The following MAD1L1 variants were observed in gnomAD, a reference collection of about 807,000 sequenced individuals.
MAD1L1 encodes the protein mitotic arrest deficient 1 like 1, also known as mitotic spindle assembly checkpoint protein MAD1.
A neutral mutation model predicts 96.9 loss-of-function variants in MAD1L1; 95 were observed. The ratio of observed to expected loss-of-function variants is 0.98; its 90% CI spans 0.83 to 1.16. The LOEUF is 1.16. Ranked by LOEUF, MAD1L1 falls within the 50% of genes most tolerant of loss-of-function variation. MAD1L1 has a pLI of 0.00. For synonymous variants in MAD1L1, 473 were observed against 396.6 expected (o/e 1.19, Z -2.29); for missense variants, 1,007 against 954.4 (o/e 1.06, Z -0.73).
chr7:1,869,095 G>A lies in MAD1L1; in HGVS notation c.1998+29105C>T, dbSNP rs144207349. Among the ~76,000 whole-genome samples, 266 of 152,248 alleles carry A rather than the reference G, an allele frequency of 1.7e-3. 2 individuals carry two copies. Among genetic ancestry groups the A allele is most frequent in the African/African-American group, 5.9e-3 (246 of 41,542 alleles). On this transcript the variant is annotated intron_variant, in intron 18 of 18. Transcript: ENST00000265854. ...AGGCCACACGTGGACGGTGAGGCCC[G>A]GGACGGGAACATCCGAGCAACGATC...
At chr7:1,838,417 G>A (rs867968627) in intron 18 of MAD1L1, among the ~76,000 whole-genome samples, 3 of 152,314 alleles carry the variant, frequency 2.0e-5, no homozygotes, top group South Asian at 2.1e-4. Context: ...AGCCCCAAAC[G>A]GAAGCAATTC....
At chr7:2,203,194 A>C (rs979590825) in intron 10 of MAD1L1, among the ~76,000 whole-genome samples, 1 of 152,222 alleles carries the variant, frequency 6.6e-6, no homozygotes, top group Non-Finnish European at 1.5e-5. Context: ...CCACGAGCAA[A>C]TGATTTCCTC....
chr7:1,988,126 C>T (rs894384429), intron 14 of MAD1L1, among the ~76,000 whole-genome samples: 5 of 152,224 alleles, frequency 3.3e-5, no homozygotes, highest in Non-Finnish European at 7.4e-5. Flanking sequence ...GTAGATGGAG[C>T]AGCGTGCGGA....
At chr7:2,128,770 C>G (rs1298607475) in intron 11 of MAD1L1, among the ~76,000 whole-genome samples, 1 of 152,194 alleles carries the variant, frequency 6.6e-6, no homozygotes, top group Non-Finnish European at 1.5e-5. Flanking sequence ...CTGCTGGGAC[C>G]TGCCCTCAGA....
intron 18 of MAD1L1, among the ~76,000 whole-genome samples, chr7:1,875,536 G>C (rs918887807): frequency 5.3e-5 from 8 of 152,202 alleles, no homozygotes; most frequent in Non-Finnish European, 7.3e-5. Flanking sequence ...TGCACAAGCA[G>C]AGGAGAAAGG....
chr7:2,231,235 T>G (rs1794175780), intron 1 of MAD1L1, among the ~76,000 whole-genome samples: 1 of 151,650 alleles, frequency 6.6e-6, no homozygotes, highest in Non-Finnish European at 1.5e-5. Flanking sequence ...GAGGCAGAGG[T>G]TGCAGTGACC....
intron 15 of MAD1L1, among the ~76,000 whole-genome samples, chr7:1,970,461 G>C (rs1780355072): frequency 1.3e-5 from 2 of 149,678 alleles, no homozygotes; most frequent in African/African-American, 2.5e-5. Context: ...AACCTCCCAA[G>C]TAGCTGGAAT....
intron 18 of MAD1L1, among the ~76,000 whole-genome samples, chr7:1,834,123 T>C (rs1035611307): frequency 6.6e-6 from 1 of 152,050 alleles, no homozygotes; most frequent in Non-Finnish European, 1.5e-5. Flanking sequence ...GTTAAGTCAT[T>C]TGAACTGAAT....
chr7:1,927,627 C>T (rs372067108), intron 17 of MAD1L1, among the ~76,000 whole-genome samples: 2 of 152,228 alleles, frequency 1.3e-5, no homozygotes, highest in East Asian at 3.9e-4. Context: ...AATTGGACAT[C>T]CATATAAAAA....
In MAD1L1 at chr7:2,224,175, G is replaced by A. The variant is rs74430809; in HGVS notation, c.291+1235C>T. Among the ~76,000 whole-genome samples, 1,363 of 152,242 alleles carry A rather than the reference G, an allele frequency of 9.0e-3. 20 individuals carry two copies. The highest frequency in any genetic ancestry group is 0.031 in the African/African-American group (1,275 of 41,536). On this transcript the variant is annotated intron_variant, in intron 4 of 18. Transcript: ENST00000265854. ...GCCCTCAGGGACTCTCGGCCTAGAG[G>A]AACTCCAACAGCTGCACACTGTCCC... is the stretch of plus-strand genomic sequence containing the variant.
rs114755700 is a variant in MAD1L1, at chr7:2,004,500, G to A, written c.1360-2379C>T. Among the ~76,000 whole-genome samples the A allele has an allele frequency of 5.8e-3, 888 of 152,346 alleles. 9 individuals carry two copies. The highest frequency in any genetic ancestry group is 0.02 in the African/African-American group (849 of 41,574). On this transcript the variant is annotated intron_variant, in intron 13 of 18. Coordinates refer to ENST00000265854, the MANE Select transcript of MAD1L1 (RefSeq NM_001013836.2). Reference sequence around the variant, plus strand: ...ACTTTACAGGAGCAGCTTAGAAGAGGCAGGGTCGTCCGGAAGCAGCAGGGC... The same window carrying A: ...ACTTTACAGGAGCAGCTTAGAAGAGACAGGGTCGTCCGGAAGCAGCAGGGC...
At chr7:2,162,111 G>C (rs141832413) in intron 10 of MAD1L1, among the ~76,000 whole-genome samples, 1 of 151,942 alleles carries the variant, frequency 6.6e-6, no homozygotes. Flanking sequence ...CATTGAGAAC[G>C]GGCCATGATG....
At chr7:1,940,467 A>AC (rs1778897149) in intron 16 of MAD1L1, 1 of 152,082 alleles carries the variant, frequency 6.6e-6, no homozygotes, top group South Asian at 2.1e-4. Context: ...CACTCAGGAG[A>AC]CCCCTCTGAC....
intron 11 of MAD1L1, among the ~76,000 whole-genome samples, chr7:2,087,653 C>T (rs1785988665): frequency 6.6e-6 from 1 of 152,214 alleles, no homozygotes; most frequent in African/African-American, 2.4e-5. Context: ...TGACCCAGGC[C>T]TGGCAGGGCG....
chr7:1,844,862 C>T (rs1378484856), intron 18 of MAD1L1, among the ~76,000 whole-genome samples: 4 of 152,230 alleles, frequency 2.6e-5, no homozygotes, highest in Non-Finnish European at 5.9e-5. Context: ...TCCTCCTCTG[C>T]GAGTGGGACA....
chr7:2,034,405 C>T (rs1309977474), intron 12 of MAD1L1, among the ~76,000 whole-genome samples: 2 of 152,000 alleles, frequency 1.3e-5, no homozygotes, highest in Non-Finnish European at 2.9e-5. Flanking sequence ...TTAGTAGAGA[C>T]GGGGTTTCAC....
intron 18 of MAD1L1, among the ~76,000 whole-genome samples, chr7:1,850,386 C>T (rs1411723791): frequency 6.6e-6 from 1 of 152,242 alleles, no homozygotes; most frequent in Non-Finnish European, 1.5e-5. Context: ...AGCCACCCAG[C>T]TGCCTGGGCC....
rs1444570550 is a variant in MAD1L1 at position 2,103,480 on chromosome 7, C to T, written c.1074-34142G>A. On this transcript the variant is annotated intron_variant, in intron 11 of 18. Transcript: ENST00000265854. This position sits in a 1 kb window ranked among gnomAD's most constrained non-coding sequence, Gnocchi z 4.3. ...ATACAGCAGTGCAGCAGATCTCACCCGCCCCCGAGGCCACTGCACAGCGGC... is the reference window on the plus strand; with the variant it reads ...ATACAGCAGTGCAGCAGATCTCACCTGCCCCCGAGGCCACTGCACAGCGGC... Among the ~76,000 whole-genome samples, 2 of 152,166 alleles carry T rather than the reference C, an allele frequency of 1.3e-5. No individual in the cohort carries two copies. The highest frequency in any genetic ancestry group is 1.9e-4 in the East Asian group (1 of 5,174).
chr7:1,920,358 G>C (rs928352920), intron 17 of MAD1L1, among the ~76,000 whole-genome samples: 4 of 152,262 alleles, frequency 2.6e-5, no homozygotes, highest in Admixed American at 6.5e-5. Flanking sequence ...AGCAGCGACA[G>C]TGTGTGGGAG....
Sources: gnomAD v4.1 joint callset for allele counts (sites outside exome capture counted in the v4.1 genomes callset) on GRCh38, gnomAD v4.1.1 for gene constraint, Gnocchi (gnomAD v3.1) non-coding constraint, MANE v1.5 for transcripts, NCBI Gene and HGNC (gene_info 2026-07-23, HGNC 2026-07-21) for gene names.